The following CHRDL2 variants were observed in gnomAD, a reference collection of about 807,000 sequenced individuals.
CHRDL2 encodes chordin like 2.
A neutral mutation model predicts 54.3 loss-of-function variants in CHRDL2; 41 were observed. That is an observed-to-expected ratio of 0.76 (90% confidence interval 0.59 to 0.98). The LOEUF (loss-of-function observed/expected upper bound fraction) is 0.98, where lower values mean the gene tolerates loss of function less well. Ranked by LOEUF, CHRDL2 falls within the 50% of genes least tolerant of loss-of-function variation. The probability of loss-of-function intolerance (pLI) is 0.00; values close to 1 mark genes in which losing one functional copy is unlikely to be tolerated. For synonymous variants in CHRDL2, 220 were observed against 224.3 expected, an observed-to-expected ratio of 0.98 and a Z score of 0.17; for missense variants, 518 against 562.4, an observed-to-expected ratio of 0.92 and a Z score of 0.80.
rs1203897910 is a variant in CHRDL2 at position 74,731,103 on chromosome 11, A to G, written c.-215T>C. ...GGAAGAAGAGAAAGGTGGAAAGAGAACGCGGGGAAAGGAGGGAGAGATGGA... is the reference window on the plus strand; with the variant it reads ...GGAAGAAGAGAAAGGTGGAAAGAGAGCGCGGGGAAAGGAGGGAGAGATGGA... On this transcript the variant is annotated 5_prime_UTR_variant, in exon 1 of 11. Transcript: ENST00000376332. This position sits in a 1 kb window ranked among gnomAD's most constrained non-coding sequence, Gnocchi z 4.4. The G allele has an allele frequency of 1.4e-5, 8 of 565,242 alleles. No homozygotes were observed. The highest frequency in any genetic ancestry group is 2.5e-5 in the Non-Finnish European group (8 of 317,056). 35.0% of individuals were successfully genotyped at this position (565,242 alleles called of 1,614,324 possible).
intron 4 of CHRDL2, among the ~76,000 whole-genome samples, chr11:74,708,661 T>A (rs960289450): frequency 6.6e-6 from 1 of 152,194 alleles, no homozygotes; most frequent in Non-Finnish European, 1.5e-5. Flanking sequence ...AGCTGCTGCC[T>A]GGTAAGGCGG....
In CHRDL2 at chr11:74,696,498, T is replaced by C. The variant is rs2033592569; in HGVS notation, c.*11A>G. 1.2e-6 allele frequency: 2 copies of C among 1,606,338 alleles called. No individual in the cohort carries two copies. The highest frequency in any genetic ancestry group is 1.7e-6 in the Non-Finnish European group (2 of 1,172,922). The stretch of plus-strand genomic sequence containing the variant: ...ATTATACAGCTCATATCTGCAACTG[T>C]TAGGTCTTTGTTATGTCTTGGTCAC... On this transcript the variant is annotated 3_prime_UTR_variant, in exon 11 of 11. Coordinates refer to ENST00000376332, the MANE Select transcript of CHRDL2 (RefSeq NM_001278473.3).
At chr11:74,721,812 A>G (rs1182114676) in intron 1 of CHRDL2, among the ~76,000 whole-genome samples, 5 of 152,238 alleles carry the variant, frequency 3.3e-5, no homozygotes, top group African/African-American at 1.2e-4. Flanking sequence ...GGGAGGGGGT[A>G]AGCTATGATC....
At chr11:74,703,219 A>G in intron 8 of CHRDL2, 86 bp downstream of exon 8, 1 of 1,452,342 alleles carries the variant, frequency 6.9e-7, no homozygotes, top group South Asian at 1.4e-5. Flanking sequence ...CATGTCTGAG[A>G]TGCTCCAAGT....
At chr11:74,717,156 G>T (rs1045707680) in intron 2 of CHRDL2, among the ~76,000 whole-genome samples, 5 of 152,160 alleles carry the variant, frequency 3.3e-5, no homozygotes, top group African/African-American at 7.2e-5. Context: ...TGGATTTAGG[G>T]GGGGAAACAG....
intron 1 of CHRDL2, among the ~76,000 whole-genome samples, chr11:74,720,108 T>A (rs368917968): frequency 6.6e-6 from 1 of 152,250 alleles, no homozygotes; most frequent in Non-Finnish European, 1.5e-5. Context: ...ACCAACATTA[T>A]TGACTATCTT....
chr11:74,723,207 T>C (rs757392616), intron 1 of CHRDL2, among the ~76,000 whole-genome samples: 9 of 152,000 alleles, frequency 5.9e-5, no homozygotes, highest in Non-Finnish European at 1.0e-4. Flanking sequence ...CTGGATAGGA[T>C]ATGGGTGGAG....
At chr11:74,720,062 T>G (rs2034468559) in intron 1 of CHRDL2, among the ~76,000 whole-genome samples, 1 of 152,246 alleles carries the variant, frequency 6.6e-6, no homozygotes, top group Non-Finnish European at 1.5e-5. Flanking sequence ...AGTAAAGGTT[T>G]GTTGAATTAA....
chr11:74,697,176 C>CG, intron 10 of CHRDL2, 29 bp downstream of exon 10: 1 of 1,573,798 alleles, frequency 6.4e-7, no homozygotes, highest in South Asian at 1.1e-5. Flanking sequence ...CTTCCTGCCC[C>CG]GGCCCCATTC....
At chr11:74,701,512 G>A (rs1408747594) in intron 9 of CHRDL2, 4 of 677,442 alleles carry the variant, frequency 5.9e-6, no homozygotes, top group Admixed American at 2.2e-5. Flanking sequence ...TTCCTCCTAC[G>A]ACAGGGGGCA....
At chr11:74,719,054 A>T in intron 1 of CHRDL2, 1 of 539,410 alleles carries the variant, frequency 1.9e-6, no homozygotes, top group Admixed American at 3.3e-5. Context: ...TGGGCATGCC[A>T]CTGTCTCTGA....
At chr11:74,722,050 G>A (rs1836997636) in intron 1 of CHRDL2, among the ~76,000 whole-genome samples, 1 of 152,100 alleles carries the variant, frequency 6.6e-6, no homozygotes, top group South Asian at 2.1e-4. Flanking sequence ...TACATCTTAG[G>A]CTCTCAGAGG....
chr11:74,709,204 C>T (rs577358378), intron 4 of CHRDL2, among the ~76,000 whole-genome samples: 87 of 152,270 alleles, frequency 5.7e-4, no homozygotes, highest in African/African-American at 2.1e-3. Flanking sequence ...GGAGAATGAA[C>T]AGAGGAATCC....
chr11:74,723,561 G>A (rs1445864124), intron 1 of CHRDL2, among the ~76,000 whole-genome samples: 1 of 152,160 alleles, frequency 6.6e-6, no homozygotes, highest in African/African-American at 2.4e-5. Context: ...AGCACTTTAT[G>A]GCTTCTCTTT....
At chr11:74,713,523 T>G (rs756259010) in intron 2 of CHRDL2, 44 bp from the exon 3 acceptor site, 6 of 1,490,884 alleles carry the variant, frequency 4.0e-6, no homozygotes, top group Non-Finnish European at 4.7e-6. Context: ...AGAACCATCG[T>G]CTTCCACCTG....
intron 6 of CHRDL2, 126 bp downstream of exon 6, chr11:74,706,361 A>T: frequency 1.1e-6 from 1 of 902,496 alleles, no homozygotes; most frequent in Non-Finnish European, 1.8e-6. Context: ...ATGTTCATGT[A>T]GCCAACCCAG....
rs181939439 is a variant in CHRDL2 at position 74,702,200 on chromosome 11, G to A, written c.1120+594C>T. Among the ~76,000 whole-genome samples the A allele has an allele frequency of 1.1e-3, 162 of 151,834 alleles. 1 individual carries two copies. The highest frequency in any genetic ancestry group is 6.5e-3 in the Admixed American group (99 of 15,244). ...GAGCCCAGGAGAATGAGGTTGCAGT[G>A]GAGCCGAGATCATGCCACTGCACTC... On this transcript the variant is annotated intron_variant, in intron 9 of 10. Transcript: ENST00000376332.
intron 1 of CHRDL2, among the ~76,000 whole-genome samples, chr11:74,723,766 G>T (rs2034532929): frequency 1.3e-5 from 2 of 152,288 alleles, no homozygotes; most frequent in South Asian, 4.1e-4. Flanking sequence ...ATTCTGGATG[G>T]GACAGAGAGG....
intron 1 of CHRDL2, among the ~76,000 whole-genome samples, chr11:74,723,344 C>A (rs1160550462): frequency 6.6e-6 from 1 of 152,120 alleles, no homozygotes; most frequent in African/African-American, 2.4e-5. Flanking sequence ...CCCCCTCATC[C>A]TTGGGTGATA....
Sources: allele counts gnomAD v4.1 joint callset (sites outside exome capture counted in the v4.1 genomes callset), GRCh38; gene constraint gnomAD v4.1.1; non-coding constraint Gnocchi (gnomAD v3.1); transcripts MANE v1.5; gene names NCBI Gene and HGNC (gene_info 2026-07-23, HGNC 2026-07-21).